ACO1: variants seen among roughly 807,000 people sequenced by gnomAD.
ACO1 encodes the protein aconitase 1, also known as cytoplasmic aconitate hydratase.
A neutral mutation model predicts 105.1 loss-of-function variants in ACO1; 78 were observed. That is an observed-to-expected ratio of 0.74 (90% CI 0.62 to 0.90). The LOEUF (loss-of-function observed/expected upper bound fraction) is 0.90, where lower values mean the gene tolerates loss of function less well. Among genes scored for constraint, ACO1 ranks in the 40% least tolerant of loss-of-function variants. The pLI is 0.00. For missense variants in ACO1, 965 were observed against 1,111.1 expected (o/e 0.87, Z 1.87); for synonymous variants, 364 against 397.4 (o/e 0.92, Z 1.00).
intron 1 of ACO1, among the ~76,000 whole-genome samples, chr9:32,394,986 G>A (rs1321630985): frequency 6.6e-6 from 1 of 152,194 alleles, no homozygotes; most frequent in African/African-American, 2.4e-5. Context: ...ATCTCTTGTG[G>A]TGATGGCCTT....
At chr9:32,445,159 A>G (rs1279441047) in intron 19 of ACO1, among the ~76,000 whole-genome samples, 9 of 151,866 alleles carry the variant, frequency 5.9e-5, no homozygotes, top group Non-Finnish European at 1.2e-4. Context: ...CTCTTTTTCT[A>G]TTGATTGGAA....
intron 1 of ACO1, among the ~76,000 whole-genome samples, chr9:32,387,461 T>C (rs1821178413): frequency 1.3e-5 from 2 of 152,176 alleles, no homozygotes. Flanking sequence ...CTCTTGGAGT[T>C]CAAGTTGTTA....
At chr9:32,390,982 C>G (rs1341050576) in intron 1 of ACO1, among the ~76,000 whole-genome samples, 1 of 152,106 alleles carries the variant, frequency 6.6e-6, no homozygotes, top group African/African-American at 2.4e-5. Context: ...AAGAGTGATT[C>G]TTGACTATAT....
chr9:32,425,367 A>G, intron 10 of ACO1, among the ~76,000 whole-genome samples: 1 of 152,218 alleles, frequency 6.6e-6, no homozygotes, highest in Admixed American at 6.5e-5. Context: ...ATTCAGCTGT[A>G]CTTTGTTTGC....
chr9:32,415,990 T>C (rs1821838780), intron 4 of ACO1, among the ~76,000 whole-genome samples: 1 of 152,266 alleles, frequency 6.6e-6, no homozygotes, highest in East Asian at 1.9e-4. Context: ...CCAGCCCATG[T>C]TAGGCAGTCT....
chr9:32,398,610 T>C (rs1245683870), intron 1 of ACO1, among the ~76,000 whole-genome samples: 4 of 152,072 alleles, frequency 2.6e-5, no homozygotes, highest in Non-Finnish European at 5.9e-5. Context: ...GTTTTGTTTT[T>C]TGAGACAGAG....
At chr9:32,447,851 T>C (rs961893009) in intron 19 of ACO1, among the ~76,000 whole-genome samples, 1 of 152,206 alleles carries the variant, frequency 6.6e-6, no homozygotes, top group Non-Finnish European at 1.5e-5. Context: ...TGGAGTTTGC[T>C]AGAGGCCTAC....
At chr9:32,435,528 A>G (rs1413361533) in intron 17 of ACO1, among the ~76,000 whole-genome samples, 1 of 152,198 alleles carries the variant, frequency 6.6e-6, no homozygotes, top group Non-Finnish European at 1.5e-5. Context: ...CATTGATTAA[A>G]TAATATTAAC....
intron 14 of ACO1, 130 bp from the exon 15 acceptor site, chr9:32,431,589 G>GT (rs1822236062): frequency 6.3e-6 from 6 of 959,896 alleles, no homozygotes; most frequent in Non-Finnish European, 9.2e-6. Flanking sequence ...CAGTGATTCC[G>GT]TATCCAGTCA....
rs779710447 is a variant in ACO1, at chr9:32,436,413, T to C, written c.2247+16T>C. ...TGGGGAAATCGTGAGTATTGTCTTC[T>C]GCTTCCTGCAGACACTAGCATTTGT... is the stretch of plus-strand genomic sequence containing the variant. On this transcript the variant is annotated intron_variant, in intron 18 of 20. Transcript: ENST00000309951. The C allele has an allele frequency of 3.1e-5, 50 of 1,612,170 alleles. No individual in the cohort carries two copies. The East Asian group carries it at 9.4e-4, about 30-fold the overall frequency.
chr9:32,415,719 C>T (rs1392325719), intron 4 of ACO1, among the ~76,000 whole-genome samples: 1 of 152,162 alleles, frequency 6.6e-6, no homozygotes, highest in African/African-American at 2.4e-5. Flanking sequence ...CCCGGGGTCC[C>T]TCCTTTCTCT....
intron 17 of ACO1, among the ~76,000 whole-genome samples, chr9:32,435,489 ACTCT>A (rs968157544): frequency 3.3e-5 from 5 of 152,016 alleles, no homozygotes; most frequent in African/African-American, 1.2e-4. Flanking sequence ...AACCCATTAA[ACTCT>A]CTCAGTCCTT....
At chr9:32,388,252 A>G (rs1821194520) in intron 1 of ACO1, among the ~76,000 whole-genome samples, 3 of 152,308 alleles carry the variant, frequency 2.0e-5, no homozygotes, top group Admixed American at 1.3e-4. Context: ...AAAAGGATGG[A>G]AAGGCCCAGG....
chr9:32,444,357 G>T (rs1244681317), intron 19 of ACO1, among the ~76,000 whole-genome samples: 2 of 152,092 alleles, frequency 1.3e-5, no homozygotes, highest in African/African-American at 4.8e-5. Flanking sequence ...GGATTGCTGG[G>T]TCAAATGGTA....
At chr9:32,440,366 C>T in intron 18 of ACO1, 99 bp from the exon 19 acceptor site, 1 of 1,422,250 alleles carries the variant, frequency 7.0e-7, no homozygotes, top group Non-Finnish European at 9.7e-7. Context: ...ATTTGGCCAT[C>T]TGCAAACCCA....
intron 15 of ACO1, 73 bp downstream of exon 15, chr9:32,431,916 G>C (rs1226220991): frequency 1.3e-6 from 2 of 1,565,026 alleles, no homozygotes; most frequent in Non-Finnish European, 1.7e-6. Flanking sequence ...CCTGTCTGCA[G>C]ACCTCAAGGC....
At chr9:32,423,496 G>T in intron 9 of ACO1, 77 bp downstream of exon 9, 1 of 979,438 alleles carries the variant, frequency 1.0e-6, no homozygotes, top group Non-Finnish European at 1.6e-6. Flanking sequence ...TTTCTTGGGG[G>T]AATGCGCTAG....
chr9:32,424,767 C>G, intron 10 of ACO1, 102 bp downstream of exon 10: 1 of 790,030 alleles, frequency 1.3e-6, no homozygotes, highest in South Asian at 1.6e-5. Context: ...CTTCCTGTAG[C>G]CTGAAGCTTG....
chr9:32,393,494 T>A (rs879896130), intron 1 of ACO1, among the ~76,000 whole-genome samples: 5 of 152,190 alleles, frequency 3.3e-5, no homozygotes, highest in Non-Finnish European at 7.3e-5. Flanking sequence ...CATTAGCAAT[T>A]TTAATTTTGC....
Sources: gnomAD v4.1 joint callset for allele counts (sites outside exome capture counted in the v4.1 genomes callset) on GRCh38, gnomAD v4.1.1 for gene constraint, MANE v1.5 for transcripts, NCBI Gene and HGNC (gene_info 2026-07-23, HGNC 2026-07-21) for gene names.